Variants in RPS6KA3 observed in about 807,000 individuals in gnomAD.
RPS6KA3 encodes ribosomal protein S6 kinase alpha-3.
Under a neutral mutation model 67.2 loss-of-function variants are expected in RPS6KA3, and 4 were observed. That is an observed-to-expected ratio of 0.06 (90% CI 0.03 to 0.14). The LOEUF (loss-of-function observed/expected upper bound fraction) is 0.14, where lower values mean the gene tolerates loss of function less well. RPS6KA3 is among the 10% of genes least tolerant of loss of function. RPS6KA3 has a pLI of 1.00. For synonymous variants in RPS6KA3, 182 were observed against 183.7 expected, an observed-to-expected ratio of 0.99 and a Z score of 0.07; for missense variants, 204 against 559.0, an observed-to-expected ratio of 0.36 and a Z score of 6.40.
intron 4 of RPS6KA3, among the ~76,000 whole-genome samples, chrX:20,196,659 A>G (rs191363588): frequency 4.5e-5 from 5 of 111,921 alleles, no homozygotes; most frequent in Admixed American, 1.9e-4. Flanking sequence ...TCTATCCCCA[A>G]CTGGGAGATT....
rs193281850 is a variant in RPS6KA3 at position 20,247,596 on chromosome X, C to T, written c.70-12782G>A. The stretch of plus-strand genomic sequence containing the variant: ...GGTCAGGAGATCGAGACCATCCTGG[C>T]TAACACGGTGAAACCCCGTCTCTAC... On this transcript the variant is annotated intron_variant, in intron 1 of 21. Coordinates refer to ENST00000379565, the MANE Select transcript of RPS6KA3 (RefSeq NM_004586.3). Among the ~76,000 whole-genome samples, 365 of 110,005 alleles carry T rather than the reference C, an allele frequency of 3.3e-3. 2 individuals carry two copies. Among genetic ancestry groups the T allele is most frequent in the African/African-American group, 0.012 (348 of 30,238 alleles).
Position 20,248,656 on chromosome X carries a change from G to A in RPS6KA3, c.70-13842C>T, listed in dbSNP as rs767317826. Among the ~76,000 whole-genome samples the A allele has an allele frequency of 8.1e-5, 9 of 110,912 alleles. No homozygotes were observed. In the East Asian group the frequency reaches 1.7e-3, roughly 21 times the overall value. On this transcript the variant is annotated intron_variant, in intron 1 of 21. Transcript: ENST00000379565. ...CTCCACCATGCCCAGCTAATTTTTT[G>A]TATAAACTTTTTTTCTTACATTTTA... is the stretch of plus-strand genomic sequence containing the variant.
At chrX:20,156,508 C>T (rs1460826067) in intron 20 of RPS6KA3, among the ~76,000 whole-genome samples, 3 of 110,770 alleles carry the variant, frequency 2.7e-5, no homozygotes, top group Non-Finnish European at 3.8e-5. Context: ...TTTTTTCCTT[C>T]AGATTTTCTG....
At chrX:20,239,131 TG>T (rs1164243459) in intron 1 of RPS6KA3, among the ~76,000 whole-genome samples, 1 of 111,532 alleles carries the variant, frequency 9.0e-6, no homozygotes, top group African/African-American at 3.2e-5. Context: ...TACCTGAACT[TG>T]GGTAAGTTAT....
At chrX:20,207,752 G>C (rs1017328875) in intron 3 of RPS6KA3, among the ~76,000 whole-genome samples, 1 of 111,928 alleles carries the variant, frequency 8.9e-6, no homozygotes, top group African/African-American at 3.2e-5. Flanking sequence ...ATTACGCTCT[G>C]ATGGCTACTT....
At chrX:20,219,598 T>TA (rs904478117) in intron 2 of RPS6KA3, among the ~76,000 whole-genome samples, 1 of 110,728 alleles carries the variant, frequency 9.0e-6, no homozygotes, top group Admixed American at 9.6e-5. Context: ...AAATATAAGT[T>TA]AAAAAAAAGA....
At chrX:20,196,454 T>C (rs1603426541) in intron 4 of RPS6KA3, among the ~76,000 whole-genome samples, 1 of 112,276 alleles carries the variant, frequency 8.9e-6, no homozygotes, top group Admixed American at 9.4e-5. Context: ...TTATAATACA[T>C]TCTAAGTACT....
intron 2 of RPS6KA3, among the ~76,000 whole-genome samples, chrX:20,213,886 C>T (rs921939028): frequency 5.5e-5 from 6 of 109,259 alleles, no homozygotes; most frequent in East Asian, 2.9e-4. Context: ...AGGTAATATA[C>T]TAAATTTCCT....
At position 20,266,780 on chromosome X, in the gene RPS6KA3, A is replaced by G. The variant is rs1353029305; in HGVS notation, c.-148T>C. ...CAGCGGCAGCGGCAGCAGCAGCAGC[A>G]GCGGCGGCGGCCCCAGAGAGGGCTC... On this transcript the variant is annotated 5_prime_UTR_variant, in exon 1 of 22. Transcript: ENST00000379565. 1.2e-4 allele frequency: 40 copies of G among 329,969 alleles called. 1 individual carries two copies. The highest frequency in any genetic ancestry group is 2.1e-4 in the African/African-American group (7 of 34,026). 27.2% of individuals were successfully genotyped at this position (329,969 alleles called of 1,213,427 possible). A position where few individuals can be genotyped will look rare whatever the true frequency, so the allele number is the denominator to read the frequency against.
chrX:20,232,125 C>T (rs1408781578), intron 2 of RPS6KA3, among the ~76,000 whole-genome samples: 1 of 111,726 alleles, frequency 9.0e-6, no homozygotes, highest in Non-Finnish European at 1.9e-5. Context: ...GTACTAAATT[C>T]CAAGTGGATC....
At chrX:20,252,418 T>C (rs990037150) in intron 1 of RPS6KA3, among the ~76,000 whole-genome samples, 12 of 111,040 alleles carry the variant, frequency 1.1e-4, no homozygotes, top group Non-Finnish European at 1.7e-4. Flanking sequence ...AATCTTTTTT[T>C]TTTTTTCCCC....
chrX:20,208,634 C>T, intron 3 of RPS6KA3, among the ~76,000 whole-genome samples: 1 of 110,991 alleles, frequency 9.0e-6, no homozygotes, highest in Middle Eastern at 4.6e-3. Context: ...TGGAGAATTG[C>T]TTGAACCTGG....
intron 17 of RPS6KA3, among the ~76,000 whole-genome samples, chrX:20,166,861 G>A (rs2067453452): frequency 1.8e-5 from 2 of 109,665 alleles, no homozygotes; most frequent in Non-Finnish European, 3.8e-5. Flanking sequence ...GGGATTACAG[G>A]CATGAGCCAT....
chrX:20,169,701 G>A, intron 15 of RPS6KA3: 2 of 457,079 alleles, frequency 4.4e-6, no homozygotes, highest in South Asian at 5.7e-5. Flanking sequence ...TAACTCATGA[G>A]TCGCATTCCC....
intron 21 of RPS6KA3, among the ~76,000 whole-genome samples, 175 bp from the exon 22 acceptor site, chrX:20,155,695 T>C (rs1401952746): frequency 8.9e-6 from 1 of 111,861 alleles, no homozygotes; most frequent in Non-Finnish European, 1.9e-5. Context: ...GAGGCCAACA[T>C]GGAGGTTAAA....
chrX:20,204,159 T>C, intron 3 of RPS6KA3, 56 bp from the exon 4 acceptor site: 1 of 744,491 alleles, frequency 1.3e-6, no homozygotes. Flanking sequence ...TATATCCTTG[T>C]TAAAATAAGA....
intron 4 of RPS6KA3, among the ~76,000 whole-genome samples, chrX:20,202,454 C>A (rs2068466232): frequency 8.9e-6 from 1 of 111,817 alleles, no homozygotes; most frequent in Admixed American, 9.5e-5. Context: ...CAATAACACA[C>A]TAAGTTAGTG....
chrX:20,215,870 G>A (rs186229998), intron 2 of RPS6KA3, among the ~76,000 whole-genome samples: 7 of 112,367 alleles, frequency 6.2e-5, no homozygotes, highest in Admixed American at 5.6e-4. Flanking sequence ...TAAATCACCT[G>A]TTACTGAAAT....
At chrX:20,188,362 C>T in intron 8 of RPS6KA3, 135 bp downstream of exon 8, 1 of 432,084 alleles carries the variant, frequency 2.3e-6, no homozygotes, top group Non-Finnish European at 4.1e-6. Context: ...AGGGGTGAGC[C>T]ACTACGCCTG....
Sources: gnomAD v4.1 joint callset for allele counts (sites outside exome capture counted in the v4.1 genomes callset) on GRCh38, gnomAD v4.1.1 for gene constraint, MANE v1.5 for transcripts, NCBI Gene and HGNC (gene_info 2026-07-23, HGNC 2026-07-21) for gene names.